The following OR2I1 variants were observed in gnomAD, a reference collection of about 807,000 sequenced individuals.
The protein encoded by OR2I1 is olfactory receptor family 2 subfamily I member 1 (gene/pseudogene).
the OR2I1 span, chr6:29,553,697 C>T: frequency 1.0e-5 from 4 of 398,430 alleles, no homozygotes; most frequent in East Asian, 3.6e-5. Flanking sequence ...GCGCAAACCG[C>T]GCTCCTGGCT....
chr6:29,552,595 C>T, the OR2I1 span, among the ~76,000 whole-genome samples: 2 of 58,442 alleles, frequency 3.4e-5, no homozygotes, highest in Non-Finnish European at 3.2e-5. Context: ...CCAGAAGTGG[C>T]TAGGGAGCTC....
At chr6:29,555,289 T>C in the OR2I1 span, 1 of 152,564 alleles carries the variant, frequency 6.6e-6, no homozygotes, top group African/African-American at 2.4e-5. Context: ...CAGACTTCAT[T>C]TCATACAAAT....
At chr6:29,555,629 T>C in the OR2I1 span, 35 of 494,140 alleles carry the variant, frequency 7.1e-5, no homozygotes, top group Non-Finnish European at 1.2e-4. Flanking sequence ...GAATGCTCTA[T>C]TTTGCCTTAA....
the OR2I1 span, chr6:29,556,246 AG>A: frequency 6.2e-7 from 1 of 1,613,120 alleles, no homozygotes; most frequent in Non-Finnish European, 8.5e-7. Flanking sequence ...GGTCCTGCAC[AG>A]GAACCTTGGT....
chr6:29,550,761 C>G, the OR2I1 span: 1 of 152,218 alleles, frequency 6.6e-6, no homozygotes, highest in Non-Finnish European at 1.5e-5. Context: ...CTCCCAACTC[C>G]ATTTCAAATC....
chr6:29,553,000 G>C, the OR2I1 span: 1 of 374,716 alleles, frequency 2.7e-6, no homozygotes, highest in Non-Finnish European at 4.7e-6. Context: ...TGCCTACCGA[G>C]TGTTGGCCAG....
chr6:29,556,290 C>T, the OR2I1 span: 67 of 1,613,034 alleles, frequency 4.2e-5, 1 homozygote, highest in South Asian at 2.0e-4. Context: ...ATTTTTTTCA[C>T]GCTGTCATAT....
the OR2I1 span, chr6:29,554,421 T>C: frequency 2.9e-6 from 1 of 341,686 alleles, no homozygotes; most frequent in Non-Finnish European, 5.3e-6. Context: ...GGGAAAATGA[T>C]GGACGTGATG....
the OR2I1 span, chr6:29,556,460 T>C: frequency 8.2e-5 from 59 of 716,136 alleles, no homozygotes; most frequent in Middle Eastern, 2.5e-4. Context: ...GTCCTCTAGC[T>C]CCTATTCAGT....
the OR2I1 span, among the ~76,000 whole-genome samples, chr6:29,552,644 T>A: frequency 1.3e-5 from 2 of 152,062 alleles, no homozygotes; most frequent in Non-Finnish European, 2.9e-5. Context: ...TTAGGACAAA[T>A]AGATAAAAGC....
chr6:29,554,020 C>T, the OR2I1 span: 1 of 398,912 alleles, frequency 2.5e-6, no homozygotes, highest in Non-Finnish European at 4.4e-6. Context: ...GCGCTACAAC[C>T]AGGCACGGGG....
At chr6:29,557,374 TAA>T in the OR2I1 span, 1 of 152,326 alleles carries the variant, frequency 6.6e-6, no homozygotes, top group African/African-American at 2.4e-5. Flanking sequence ...TTTCTCCTGA[TAA>T]GAGACCACTG....
chr6:29,554,390 C>T, the OR2I1 span: 10 of 374,750 alleles, frequency 2.7e-5, no homozygotes, highest in East Asian at 3.8e-4. Context: ...GGAAAACCTA[C>T]CCCTCACAAC....
the OR2I1 span, chr6:29,556,345 A>T: frequency 6.2e-7 from 1 of 1,609,304 alleles, no homozygotes; most frequent in African/African-American, 1.3e-5. Flanking sequence ...CGGAACGGAC[A>T]TGCACCTGGG....
chr6:29,551,025 G>A, the OR2I1 span, among the ~76,000 whole-genome samples: 1 of 152,182 alleles, frequency 6.6e-6, no homozygotes, highest in Non-Finnish European at 1.5e-5. Flanking sequence ...GTGCACACAT[G>A]CCTATGTTTT....
At chr6:29,553,811 A>C in the OR2I1 span, 1 of 398,652 alleles carries the variant, frequency 2.5e-6, no homozygotes, top group Non-Finnish European at 4.4e-6. Flanking sequence ...ACCGAGAACC[A>C]GATGTTCGCC....
At chr6:29,557,762 C>T in the OR2I1 span, 1 of 151,300 alleles carries the variant, frequency 6.6e-6, no homozygotes, top group East Asian at 1.9e-4. Flanking sequence ...ATAAACTCCC[C>T]TTCTAAATTT....
At chr6:29,555,507 T>C in the OR2I1 span, 1 of 224,688 alleles carries the variant, frequency 4.5e-6, no homozygotes, top group Non-Finnish European at 8.7e-6. Flanking sequence ...CAGAAATCAG[T>C]AGAACATGGA....
At chr6:29,555,234 T>C in the OR2I1 span, 1 of 152,186 alleles carries the variant, frequency 6.6e-6, no homozygotes, top group East Asian at 1.9e-4. Context: ...ATAATAACTA[T>C]TTTAGTTGGG....
Sources: allele counts gnomAD v4.1 joint callset (sites outside exome capture counted in the v4.1 genomes callset), GRCh38; gene constraint gnomAD v4.1.1; transcripts MANE v1.5; gene names NCBI Gene and HGNC (gene_info 2026-07-23, HGNC 2026-07-21).